The following ACOXL variants were observed in gnomAD, a reference collection of about 807,000 sequenced individuals.
ACOXL encodes the protein acyl-CoA oxidase like.
A neutral mutation model predicts 71.9 loss-of-function variants in ACOXL; 70 were observed. The ratio of observed to expected loss-of-function variants is 0.97; its 90% confidence interval spans 0.80 to 1.19. The LOEUF (loss-of-function observed/expected upper bound fraction) is 1.19, where lower values mean the gene tolerates loss of function less well. Ranked by LOEUF, ACOXL falls within the 50% of genes most tolerant of loss-of-function variation. The pLI, the probability that ACOXL is intolerant of heterozygous loss-of-function variation, is 0.00. For synonymous variants in ACOXL, 253 were observed against 281.6 expected (o/e 0.90, Z 1.02); for missense variants, 703 against 736.3 (o/e 0.95, Z 0.52).
intron 12 of ACOXL, among the ~76,000 whole-genome samples, chr2:110,958,049 CAA>C (rs35899146): frequency 0.28 from 26,562 of 95,490 alleles, 2,394 homozygotes; most frequent in Middle Eastern, 0.37. Flanking sequence ...GACTCCGTCT[CAA>C]AAAAAAAAAA....
intron 14 of ACOXL, among the ~76,000 whole-genome samples, chr2:111,024,174 G>T (rs1489252794): frequency 5.3e-5 from 8 of 152,150 alleles, no homozygotes; most frequent in Admixed American, 5.2e-4. Context: ...AAGGGCCAGG[G>T]CTCTTACTCT....
chr2:111,013,522 C>CAAAAAAAAAAAAAA (rs56905916), intron 14 of ACOXL, among the ~76,000 whole-genome samples: 1 of 95,522 alleles, frequency 1.0e-5, no homozygotes, highest in African/African-American at 3.7e-5. Flanking sequence ...GACCCTGTCT[C>CAAAAAAAAAAAAAA]AAAAAAAAAA....
chr2:110,813,634 G>C (rs1202835231), intron 9 of ACOXL, among the ~76,000 whole-genome samples: 2 of 152,154 alleles, frequency 1.3e-5, no homozygotes, highest in African/African-American at 4.8e-5. Flanking sequence ...CCTGAAACTT[G>C]ATAGTCCATG....
At chr2:110,930,385 C>T (rs1167585036) in intron 11 of ACOXL, among the ~76,000 whole-genome samples, 4 of 152,230 alleles carry the variant, frequency 2.6e-5, no homozygotes, top group African/African-American at 9.6e-5. Flanking sequence ...GCCTGTACCA[C>T]CATTGTATCT....
intron 1 of ACOXL, among the ~76,000 whole-genome samples, chr2:110,767,923 AACACACACACACACACACACACACACAC>A (rs58524964): frequency 3.5e-5 from 4 of 114,450 alleles, no homozygotes; most frequent in African/African-American, 1.0e-4. Context: ...GTCTCTACTA[AACACACACACACACACACACACACACAC>A]ACACACACAC....
At chr2:110,939,259 T>A (rs1195352761) in intron 12 of ACOXL, among the ~76,000 whole-genome samples, 4 of 152,222 alleles carry the variant, frequency 2.6e-5, no homozygotes, top group Non-Finnish European at 5.9e-5. Flanking sequence ...GCATTATTTT[T>A]ATCAATTACA....
At chr2:111,057,059 T>A (rs956018414) in intron 16 of ACOXL, among the ~76,000 whole-genome samples, 1 of 152,092 alleles carries the variant, frequency 6.6e-6, no homozygotes, top group Non-Finnish European at 1.5e-5. Flanking sequence ...AGCAAAGGAA[T>A]TTGGGAAGCT....
intron 12 of ACOXL, chr2:110,963,598 T>C (rs2149457155): frequency 2.3e-6 from 3 of 1,306,462 alleles, no homozygotes; most frequent in Non-Finnish European, 2.9e-6. Context: ...TGTGTGTGTG[T>C]GTGTGTTTTT....
intron 11 of ACOXL, among the ~76,000 whole-genome samples, chr2:110,923,521 G>A (rs548682396): frequency 2.6e-5 from 4 of 152,298 alleles, no homozygotes; most frequent in African/African-American, 9.6e-5. Context: ...CAGGTCTGGA[G>A]TTAGGTGAGC....
At chr2:111,037,319 G>A (rs534421484) in intron 15 of ACOXL, among the ~76,000 whole-genome samples, 88 of 152,296 alleles carry the variant, frequency 5.8e-4, no homozygotes, top group Non-Finnish European at 1.2e-3. Context: ...AGACTTCACT[G>A]ACTCACTCTC....
At chr2:110,878,534 G>T (rs1696209909) in intron 10 of ACOXL, among the ~76,000 whole-genome samples, 1 of 152,228 alleles carries the variant, frequency 6.6e-6, no homozygotes, top group Non-Finnish European at 1.5e-5. Context: ...AAGCTGAGGT[G>T]GGTGGATCAC....
At chr2:110,935,136 G>C (rs546780961) in intron 12 of ACOXL, among the ~76,000 whole-genome samples, 1 of 152,236 alleles carries the variant, frequency 6.6e-6, no homozygotes, top group African/African-American at 2.4e-5. Flanking sequence ...TGGCCCCTCA[G>C]GCAGGGACAG....
At chr2:110,846,848 G>A (rs947036533) in intron 10 of ACOXL, among the ~76,000 whole-genome samples, 3 of 152,108 alleles carry the variant, frequency 2.0e-5, no homozygotes, top group African/African-American at 7.2e-5. Context: ...GAGCTGAGGG[G>A]TCAGGAAGCA....
chr2:110,946,639 G>A (rs1180894335), intron 12 of ACOXL, among the ~76,000 whole-genome samples: 1 of 152,182 alleles, frequency 6.6e-6, no homozygotes, highest in African/African-American at 2.4e-5. Flanking sequence ...TTAATGGGAT[G>A]AGCACAGTTT....
intron 10 of ACOXL, among the ~76,000 whole-genome samples, chr2:110,855,633 A>C (rs541392928): frequency 2.0e-4 from 30 of 152,320 alleles, no homozygotes; most frequent in African/African-American, 7.0e-4. Context: ...GGTTTCAGTT[A>C]CCTGTGGTCA....
intron 14 of ACOXL, among the ~76,000 whole-genome samples, chr2:111,017,664 C>T (rs2064524696): frequency 6.6e-6 from 1 of 152,214 alleles, no homozygotes; most frequent in South Asian, 2.1e-4. Context: ...CTAACTCCAG[C>T]CTGCCTGCTT....
chr2:110,744,974 C>G (rs1490738155), intron 1 of ACOXL, among the ~76,000 whole-genome samples: 2 of 152,178 alleles, frequency 1.3e-5, no homozygotes, highest in African/African-American at 4.8e-5. Flanking sequence ...AGAATCAAAC[C>G]TGCTCTGAAG....
At chr2:111,049,135 A>T in intron 15 of ACOXL, 83 bp from the exon 16 acceptor site, 1 of 1,087,708 alleles carries the variant, frequency 9.2e-7, no homozygotes. Flanking sequence ...TACGTCTGTT[A>T]TAACCACAGT....
At chr2:110,959,455 G>C (rs2061619460) in intron 12 of ACOXL, among the ~76,000 whole-genome samples, 1 of 152,118 alleles carries the variant, frequency 6.6e-6, no homozygotes, top group Non-Finnish European at 1.5e-5. Context: ...CTTTATTCCT[G>C]GTTTCCTCCT....
Sources: gnomAD v4.1 joint callset for allele counts (sites outside exome capture counted in the v4.1 genomes callset) on GRCh38, gnomAD v4.1.1 for gene constraint, MANE v1.5 for transcripts, NCBI Gene and HGNC (gene_info 2026-07-23, HGNC 2026-07-21) for gene names.